Variants in THBS4 observed in about 807,000 individuals in gnomAD.
THBS4 encodes the protein thrombospondin-4.
In THBS4, 90 loss-of-function variants were observed where a neutral mutation model predicts 115.7. The observed-to-expected ratio is 0.78, with a 90% CI of 0.66 to 0.93. The LOEUF (loss-of-function observed/expected upper bound fraction) is 0.93, where lower values mean the gene tolerates loss of function less well. Ranked by LOEUF, THBS4 falls within the 40% of genes least tolerant of loss-of-function variation. The probability of loss-of-function intolerance (pLI) is 0.00; values close to 1 mark genes in which losing one functional copy is unlikely to be tolerated. For missense variants in THBS4, 1,087 were observed against 1,232.7 expected, an observed-to-expected ratio of 0.88 and a Z score of 1.77; for synonymous variants, 460 against 479.3, an observed-to-expected ratio of 0.96 and a Z score of 0.53.
intron 5 of THBS4, 64 bp downstream of exon 5, chr5:80,058,854 G>A: frequency 1.3e-6 from 2 of 1,506,988 alleles, no homozygotes; most frequent in Non-Finnish European, 1.8e-6. Flanking sequence ...CCACAAGCTA[G>A]TGGAGCTGCA....
intron 2 of THBS4, among the ~76,000 whole-genome samples, chr5:80,049,192 T>A (rs544712905): frequency 2.6e-5 from 4 of 152,240 alleles, no homozygotes; most frequent in Non-Finnish European, 5.9e-5. Flanking sequence ...AAAAGCATCT[T>A]TTGAAAATTC....
intron 2 of THBS4, among the ~76,000 whole-genome samples, chr5:80,021,931 T>C (rs1372806074): frequency 6.6e-6 from 1 of 152,144 alleles, no homozygotes; most frequent in African/African-American, 2.4e-5. Context: ...CTAGAGGTGT[T>C]CTCCTCTACT....
Position 80,058,698 on chromosome 5 carries a change from G to A in THBS4, c.650-10G>A, listed in dbSNP as rs1042517749. 41 of 1,614,078 alleles carry A rather than the reference G, an allele frequency of 2.5e-5. No homozygotes were observed. Among genetic ancestry groups the A allele is most frequent in the South Asian group, 9.9e-5 (9 of 91,082 alleles). ...GGCTGAAAACTCTTTGCCTTTTGCTGTTCCTACAGGGGACTTTAACCGGCA... is the reference window on the plus strand; with the variant it reads ...GGCTGAAAACTCTTTGCCTTTTGCTATTCCTACAGGGGACTTTAACCGGCA... On this transcript the variant is annotated splice_polypyrimidine_tract_variant and intron_variant, in intron 4 of 21. Transcript: ENST00000350881.
intron 1 of THBS4, among the ~76,000 whole-genome samples, chr5:80,039,323 T>A (rs1832819163): frequency 1.3e-5 from 2 of 152,258 alleles, no homozygotes; most frequent in South Asian, 4.1e-4. Context: ...TACTCTCTCA[T>A]AGCTTTCATA....
intron 2 of THBS4, among the ~76,000 whole-genome samples, chr5:80,013,063 C>T (rs1333606493): frequency 6.6e-6 from 1 of 152,200 alleles, no homozygotes; most frequent in African/African-American, 2.4e-5. Context: ...AAGGGATCCT[C>T]AAAACAAGGC....
intron 2 of THBS4, among the ~76,000 whole-genome samples, chr5:80,013,893 C>A (rs1000134493): frequency 9.2e-5 from 14 of 152,146 alleles, no homozygotes; most frequent in African/African-American, 3.4e-4. Context: ...GTAGATACCC[C>A]ATAACTAAGC....
intron 6 of THBS4, 48 bp downstream of exon 6, chr5:80,059,539 C>CTGA: frequency 6.2e-7 from 1 of 1,609,876 alleles, no homozygotes; most frequent in Non-Finnish European, 8.5e-7. Context: ...ATGATGCAGG[C>CTGA]TGATGAAGGG....
In THBS4 at chr5:80,068,108, G is replaced by A; in HGVS notation, c.1330G>A (p.Gly444Arg). The A allele has an allele frequency of 1.2e-6, 2 of 1,614,012 alleles. No individual in the cohort carries two copies. The highest frequency in any genetic ancestry group is 1.7e-6 in the Non-Finnish European group (2 of 1,179,992). ...TGCCCAGTGCATTGAAGAGAGGCAG[G>A]GGGATGTGACATGTGTGGTAAGTTG... ...VNAQCIEERQ[G>R]DVTCVCGVGW... Residue 444 changes from glycine (G) to arginine (R), a missense_variant, in exon 10 of 22, where the codon GGG becomes AGG. Coordinates refer to ENST00000350881, the MANE Select transcript of THBS4 (RefSeq NM_003248.6).
rs562488537 is a variant in THBS4, at chr5:79,991,344, C to T, written n.13C>T. 5 of 963,766 alleles carry T rather than the reference C, an allele frequency of 5.2e-6. No homozygotes were observed. The South Asian group carries it at 7.7e-5, about 15-fold the overall frequency. 59.7% of individuals were successfully genotyped at this position (963,766 alleles called of 1,614,324 possible). ...GGGAGGGAAGGGTAATTTGGGGGCT[C>T]TTGAGAGATGAGAGAAACAACGACT... On this transcript the variant is annotated non_coding_transcript_exon_variant, in exon 1 of 4. Transcript: ENST00000510218.
intron 20 of THBS4, among the ~76,000 whole-genome samples, chr5:80,080,922 G>A (rs1301713339): frequency 6.6e-6 from 1 of 152,088 alleles, no homozygotes; most frequent in East Asian, 1.9e-4. Flanking sequence ...CCAGTGCCTA[G>A]CACAAAGCCT....
chr5:80,051,995 T>A (rs1376050237), intron 2 of THBS4, among the ~76,000 whole-genome samples: 1 of 152,222 alleles, frequency 6.6e-6, no homozygotes, highest in Admixed American at 6.5e-5. Flanking sequence ...AAACAGTTAA[T>A]GTAGAGAACA....
At chr5:80,078,702 CTT>C (rs1743341279) in intron 17 of THBS4, 2 of 484,256 alleles carry the variant, frequency 4.1e-6, no homozygotes, top group East Asian at 6.1e-5. Context: ...TCTCAGCAAA[CTT>C]ATTTCTATTC....
At chr5:80,064,664 C>G (rs527314509) in intron 8 of THBS4, among the ~76,000 whole-genome samples, 1 of 151,964 alleles carries the variant, frequency 6.6e-6, no homozygotes, top group Non-Finnish European at 1.5e-5. Context: ...TCTGGGAGGT[C>G]GAGGCTGCCG....
Position 80,078,925 on chromosome 5 carries a change from T to C in THBS4, c.2270T>C (p.Met757Thr), listed in dbSNP as rs1359411136. ...CTCCCTCAACTCTCTCTGCAGGGCATGGAGATTGTACAGACCATGAACAGT... is the reference window on the plus strand; with the variant it reads ...CTCCCTCAACTCTCTCTGCAGGGCACGGAGATTGTACAGACCATGAACAGT... ...DPNWVVLNQG[M>T]EIVQTMNSDP... Residue 757 changes from methionine (M) to threonine (T), a missense_variant, in exon 18 of 22, where the codon ATG (methionine) becomes ACG (threonine). By Grantham distance (81) the Met-to-Thr change is moderately conservative (BLOSUM62 -1). Around this residue, in one of 3 missense-constraint regions of THBS4, gnomAD observed 979 missense variants for 1,103.7 expected, o/e 0.89. Coordinates refer to ENST00000350881, the MANE Select transcript of THBS4 (RefSeq NM_003248.6). 5.0e-6 allele frequency: 8 copies of C among 1,613,610 alleles called. No individual in the cohort carries two copies. The Middle Eastern group carries it at 6.6e-4, about 133-fold the overall frequency.
Position 80,061,597 on chromosome 5 carries a change from A to T in THBS4, c.988-98A>T, listed in dbSNP as rs1307189496. 2.8e-6 allele frequency: 4 copies of T among 1,408,940 alleles called. No individual in the cohort carries two copies. In the African/African-American group the frequency reaches 5.7e-5, roughly 20 times the overall value. 87.3% of individuals were successfully genotyped at this position (1,408,940 alleles called of 1,614,324 possible). A position where few individuals can be genotyped will look rare whatever the true frequency, so the allele number is the denominator to read the frequency against. ...CTTTTATTATTTTTTCCACCAAAAGATAGTTAAATGACTAAACAAGTATGT... is the reference window on the plus strand; with the variant it reads ...CTTTTATTATTTTTTCCACCAAAAGTTAGTTAAATGACTAAACAAGTATGT... On this transcript the variant is annotated intron_variant, in intron 7 of 21. Transcript: ENST00000350881.
chr5:80,007,649 C>T (rs1476808153), intron 2 of THBS4, among the ~76,000 whole-genome samples: 3 of 152,182 alleles, frequency 2.0e-5, no homozygotes, highest in Non-Finnish European at 4.4e-5. Context: ...GTCCATCTGC[C>T]TCGGGGGTGG....
intron 16 of THBS4, 24 bp downstream of exon 16, chr5:80,077,072 G>A: frequency 1.3e-6 from 2 of 1,544,992 alleles, no homozygotes; most frequent in East Asian, 2.4e-5. Flanking sequence ...GCCCAGAGCT[G>A]CACAGCACCC....
intron 8 of THBS4, among the ~76,000 whole-genome samples, chr5:80,064,734 C>G (rs1334884915): frequency 6.6e-6 from 1 of 151,846 alleles, no homozygotes; most frequent in Non-Finnish European, 1.5e-5. Flanking sequence ...CCTGTCTCAA[C>G]AACAACAACA....
chr5:80,036,827 A>C (rs1444144483), intron 1 of THBS4, among the ~76,000 whole-genome samples: 1 of 152,148 alleles, frequency 6.6e-6, no homozygotes, highest in Non-Finnish European at 1.5e-5. Context: ...CTTGAAGTAA[A>C]AGTTGTTTTT....
Sources: gnomAD v4.1 joint callset for allele counts (sites outside exome capture counted in the v4.1 genomes callset) on GRCh38, gnomAD v4.1.1 for gene constraint, gnomAD v4.1.1 regional missense constraint, MANE v1.5 for transcripts, NCBI Gene and HGNC (gene_info 2026-07-23, HGNC 2026-07-21) for gene names.